Variants in LRFN5 observed in about 807,000 individuals in gnomAD.
The protein encoded by LRFN5 is leucine rich repeat and fibronectin type III domain containing 5.
LRFN5 carries 24 observed loss-of-function variants against 45.6 expected under a neutral mutation model. That is an observed-to-expected ratio of 0.53 (90% CI 0.38 to 0.74). The LOEUF is 0.74. Among genes scored for constraint, LRFN5 ranks in the 30% least tolerant of loss-of-function variants. LRFN5 has a pLI of 0.00. For missense variants in LRFN5, 776 were observed against 861.5 expected (o/e 0.90, Z 1.24); for synonymous variants, 340 against 313.8 (o/e 1.08, Z -0.88).
Position 41,886,688 on chromosome 14 carries a change from A to G in LRFN5, c.63A>G (p.Pro21=). ...TAGCAGTGAAAGCTCAGATCTGTCC[A>G]AAGCGTTGTGTCTGTCAGATTTTGT... ...IGIAVKAQIC[P]KRCVCQILSP... is the part of the protein sequence containing the mutation. The change falls in exon 3 of 6, where the codon CCA becomes CCG. Residue 21 remains proline, a synonymous_variant. Coordinates refer to ENST00000298119, the MANE Select transcript of LRFN5 (RefSeq NM_152447.5). 3 of 1,613,924 alleles carry G rather than the reference A, an allele frequency of 1.9e-6. No individual in the cohort carries two copies. The highest frequency in any genetic ancestry group is 2.5e-6 in the Non-Finnish European group (3 of 1,179,962).
At chr14:41,762,137 GA>G (rs60675317) in intron 1 of LRFN5, among the ~76,000 whole-genome samples, 18,969 of 101,214 alleles carry the variant, frequency 0.19, 1,316 homozygotes, top group Admixed American at 0.24. Flanking sequence ...TTCACACCCT[GA>G]AAAAAAAAAA....
chr14:41,852,872 C>T (rs1178265562), intron 2 of LRFN5, among the ~76,000 whole-genome samples: 1 of 151,860 alleles, frequency 6.6e-6, no homozygotes, highest in African/African-American at 2.4e-5. Flanking sequence ...TGATCTTATA[C>T]CTTGTCATAT....
intron 1 of LRFN5, among the ~76,000 whole-genome samples, chr14:41,685,463 A>G (rs930284438): frequency 6.6e-5 from 10 of 152,178 alleles, no homozygotes; most frequent in Non-Finnish European, 1.3e-4. Flanking sequence ...GAAGCTCTTC[A>G]GTTTAATTAG....
intron 2 of LRFN5, among the ~76,000 whole-genome samples, chr14:41,884,170 T>C (rs906654285): frequency 6.6e-6 from 1 of 152,214 alleles, no homozygotes; most frequent in African/African-American, 2.4e-5. Flanking sequence ...TTCCCCTTCT[T>C]GTGCTGTGAT....
intron 2 of LRFN5, among the ~76,000 whole-genome samples, chr14:41,883,460 C>T (rs1890457718): frequency 6.6e-6 from 1 of 152,124 alleles, no homozygotes; most frequent in South Asian, 2.1e-4. Context: ...TTCCTTCAGC[C>T]TAAAGACACT....
intron 2 of LRFN5, among the ~76,000 whole-genome samples, chr14:41,819,343 A>G (rs901477337): frequency 1.3e-5 from 2 of 152,138 alleles, no homozygotes; most frequent in African/African-American, 4.8e-5. Flanking sequence ...TGTATAACCA[A>G]TAATGTATAA....
intron 2 of LRFN5, among the ~76,000 whole-genome samples, chr14:41,773,173 C>T (rs1009153876): frequency 5.3e-5 from 8 of 152,088 alleles, no homozygotes; most frequent in African/African-American, 1.7e-4. Context: ...CCATCATGCC[C>T]TTCTTGCATT....
At chr14:41,760,152 A>G (rs1458782610) in intron 1 of LRFN5, among the ~76,000 whole-genome samples, 2 of 152,218 alleles carry the variant, frequency 1.3e-5, no homozygotes, top group Non-Finnish European at 2.9e-5. Context: ...GTATACATGA[A>G]CACAGTAAAA....
At chr14:41,796,652 A>G (rs1235908552) in intron 2 of LRFN5, among the ~76,000 whole-genome samples, 1 of 151,908 alleles carries the variant, frequency 6.6e-6, no homozygotes, top group African/African-American at 2.4e-5. Context: ...TTTATTAGGC[A>G]TTACTATATC....
At chr14:41,687,969 G>A (rs906464104) in intron 1 of LRFN5, among the ~76,000 whole-genome samples, 1 of 152,140 alleles carries the variant, frequency 6.6e-6, no homozygotes, top group African/African-American at 2.4e-5. Context: ...AAAAAGAAAA[G>A]CTTGTACTAT....
intron 2 of LRFN5, among the ~76,000 whole-genome samples, chr14:41,824,069 T>C (rs1888214737): frequency 6.6e-6 from 1 of 152,276 alleles, no homozygotes; most frequent in South Asian, 2.1e-4. Flanking sequence ...ATATATTGAA[T>C]TGTTTTTTCT....
chr14:41,615,616 G>A (rs573544396), intron 1 of LRFN5, among the ~76,000 whole-genome samples: 15 of 152,110 alleles, frequency 9.9e-5, no homozygotes, highest in South Asian at 4.2e-4. Flanking sequence ...GACTACTGTC[G>A]AGTTAAGCAG....
chr14:41,794,822 C>T (rs1887060316), intron 2 of LRFN5, among the ~76,000 whole-genome samples: 1 of 151,982 alleles, frequency 6.6e-6, no homozygotes, highest in South Asian at 2.1e-4. Context: ...GCATAATCTG[C>T]TTCAAAATTG....
At position 41,860,446 on chromosome 14, in the gene LRFN5, A is replaced by G. The variant is rs1008104562; in HGVS notation, c.-20-26160A>G. On this transcript the variant is annotated intron_variant, in intron 2 of 5. Coordinates refer to ENST00000298119, the MANE Select transcript of LRFN5 (RefSeq NM_152447.5). ...AAAAATAAATATAACCAAATATACA[A>G]TATTTTAATATACGTCAGTTCATCA... 2.0e-5 allele frequency among the ~76,000 whole-genome samples: 3 copies of G among 152,278 alleles called. No individual in the cohort carries two copies. In the East Asian group the frequency reaches 5.8e-4, roughly 29 times the overall value.
intron 1 of LRFN5, among the ~76,000 whole-genome samples, chr14:41,618,525 C>T (rs1452814370): frequency 6.6e-6 from 1 of 152,170 alleles, no homozygotes; most frequent in Non-Finnish European, 1.5e-5. Context: ...GATGAGGCCA[C>T]CTGAGACCAT....
chr14:41,735,603 C>T (rs923660357), intron 1 of LRFN5, among the ~76,000 whole-genome samples: 19 of 152,172 alleles, frequency 1.2e-4, no homozygotes, highest in African/African-American at 4.6e-4. Flanking sequence ...ATTAGTTTTA[C>T]TAATTTTTAT....
chr14:41,894,363 G>A, intron 4 of LRFN5: 1 of 858,970 alleles, frequency 1.2e-6, no homozygotes. Flanking sequence ...TTAATCATAT[G>A]AGATTTATTT....
Position 41,781,616 on chromosome 14 carries a change from GAGAA to G in LRFN5, c.-21+14602_-21+14605del, listed in dbSNP as rs369101866. Among the ~76,000 whole-genome samples, 134 of 59,658 alleles carry G rather than the reference GAGAA, an allele frequency of 2.2e-3. 3 individuals are homozygous for G. The highest frequency in any genetic ancestry group is 9.6e-3 in the African/African-American group (108 of 11,218). 39.1% of individuals were successfully genotyped at this position (59,658 alleles called of 152,430 possible). On this transcript the variant is annotated intron_variant, in intron 2 of 5. Coordinates refer to ENST00000298119, the MANE Select transcript of LRFN5 (RefSeq NM_152447.5). ...AGAAAGAAAGAAAGAAAGAAAGAAA[GAGAA>G]AGAAAGAAAGAAAGGAAAGAAAGAA...
chr14:41,719,832 A>C (rs1883641564), intron 1 of LRFN5, among the ~76,000 whole-genome samples: 1 of 152,010 alleles, frequency 6.6e-6, no homozygotes, highest in Non-Finnish European at 1.5e-5. Flanking sequence ...GCTATGTTAG[A>C]AAATTAATTA....
Sources: allele counts gnomAD v4.1 joint callset (sites outside exome capture counted in the v4.1 genomes callset), GRCh38; gene constraint gnomAD v4.1.1; transcripts MANE v1.5; gene names NCBI Gene and HGNC (gene_info 2026-07-23, HGNC 2026-07-21).